The following WDSUB1 variants were observed in gnomAD, a reference collection of about 807,000 sequenced individuals.
WDSUB1 encodes WD repeat, sterile alpha motif and U-box domain containing 1, also known as WD repeat, SAM and U-box domain-containing protein 1.
WDSUB1 carries 49 observed loss-of-function variants against 53.9 expected under a neutral mutation model. That is an observed-to-expected ratio of 0.91 (90% CI 0.72 to 1.15). The LOEUF (loss-of-function observed/expected upper bound fraction) is 1.15, where lower values mean the gene tolerates loss of function less well. WDSUB1 is among the 50% of genes most tolerant of loss of function. The pLI, the probability that WDSUB1 is intolerant of heterozygous loss-of-function variation, is 0.00. For missense variants in WDSUB1, 514 were observed against 562.0 expected (o/e 0.91, Z 0.86); for synonymous variants, 194 against 200.6 (o/e 0.97, Z 0.28).
At position 159,279,800 on chromosome 2, in the gene WDSUB1, C is replaced by T. The variant is rs762035494; in HGVS notation, c.544G>A (p.Gly182Arg). The change falls in exon 3 of 11, where the codon GGA becomes AGA. Residue 182 changes from glycine to arginine, a missense_variant. Gly to Arg is a moderately radical substitution (Grantham distance 125, BLOSUM62 -2). Coordinates refer to ENST00000359774, the MANE Select transcript of WDSUB1 (RefSeq NM_001128212.3). ...CLHSEKAHDL[G>R]ITCCDFSSQP... Reference sequence around the variant, plus strand: ...GAAGAAAAATCGCAGCAGGTAATTCCAAGATCATGTGCTTTTTCACTATGC... The same window carrying T: ...GAAGAAAAATCGCAGCAGGTAATTCTAAGATCATGTGCTTTTTCACTATGC... 6.2e-7 allele frequency: 1 copy of T among 1,608,240 alleles called. No individual in the cohort carries two copies. The highest frequency in any genetic ancestry group is 2.2e-5 in the East Asian group (1 of 44,846).
At position 159,256,317 on chromosome 2, in the gene WDSUB1, G is replaced by A. The variant is rs376099561; in HGVS notation, c.1011C>T (p.Val337=). The change falls in exon 9 of 11, where the codon GTC becomes GTT. Residue 337 remains valine (V), a synonymous_variant. Transcript: ENST00000359774. Reference sequence around the variant, plus strand: ...AATCTTGTGCACAAAGCCATGTTGAGACATCCTCCTCTGACCAATCTTCGG... The same window carrying A: ...AATCTTGTGCACAAAGCCATGTTGAAACATCCTCCTCTGACCAATCTTCGG... ...QFTEDWSEED[V]STWLCAQDLK... 1.7e-5 allele frequency: 28 copies of A among 1,612,194 alleles called. No individual in the cohort carries two copies. The highest frequency in any genetic ancestry group is 2.2e-5 in the Non-Finnish European group (26 of 1,179,434).
intron 10 of WDSUB1, among the ~76,000 whole-genome samples, chr2:159,247,247 T>A (rs2060818972): frequency 6.6e-6 from 1 of 152,172 alleles, no homozygotes; most frequent in African/African-American, 2.4e-5. Context: ...ACAGATGAAC[T>A]CATAACGATA....
In WDSUB1 at chr2:159,252,864, G is replaced by T. The variant is rs2060979697; in HGVS notation, c.1132+3332C>A. Among the ~76,000 whole-genome samples, 4 of 152,166 alleles carry T rather than the reference G, an allele frequency of 2.6e-5. No homozygotes were observed. The South Asian group carries it at 8.3e-4, about 31-fold the overall frequency. ...CTTGGAAAGAAGAGCAAATGGAAGA[G>T]TGAACCCTTTGAAAAAAATCTCGTT... On this transcript the variant is annotated intron_variant, in intron 9 of 10. Coordinates refer to ENST00000359774, the MANE Select transcript of WDSUB1 (RefSeq NM_001128212.3).
intron 3 of WDSUB1, among the ~76,000 whole-genome samples, chr2:159,277,553 A>G (rs6756293): frequency 0.04 from 6,119 of 152,292 alleles, 394 homozygotes; most frequent in African/African-American, 0.14. Flanking sequence ...AAATATTTAA[A>G]TTATAATAAC....
chr2:159,258,831 C>T (rs7599621), intron 6 of WDSUB1, among the ~76,000 whole-genome samples: 63,940 of 151,848 alleles, frequency 0.42, 14,737 homozygotes, highest in Non-Finnish European at 0.54. Flanking sequence ...AAAGATTTAC[C>T]TCACCTAGCT....
At chr2:159,237,788 T>C (rs1252244828) in intron 10 of WDSUB1, among the ~76,000 whole-genome samples, 1 of 152,252 alleles carries the variant, frequency 6.6e-6, no homozygotes, top group African/African-American at 2.4e-5. Flanking sequence ...TTTCCAATCT[T>C]TGCCTTTTAC....
intron 9 of WDSUB1, among the ~76,000 whole-genome samples, 179 bp from the exon 10 acceptor site, chr2:159,248,691 G>C (rs1281655563): frequency 6.6e-6 from 1 of 152,104 alleles, no homozygotes; most frequent in South Asian, 2.1e-4. Flanking sequence ...TTGCAGCCTT[G>C]ACCTCCTGGG....
chr2:159,253,119 C>T (rs536093524), intron 9 of WDSUB1, among the ~76,000 whole-genome samples: 4 of 152,288 alleles, frequency 2.6e-5, no homozygotes, highest in African/African-American at 7.2e-5. Context: ...AGACTCAACT[C>T]GTTGCGTAAT....
chr2:159,249,021 T>C (rs2060885492), intron 9 of WDSUB1, among the ~76,000 whole-genome samples: 1 of 152,242 alleles, frequency 6.6e-6, no homozygotes, highest in South Asian at 2.1e-4. Context: ...AGAATACTGT[T>C]GGTTAAAATA....
intron 9 of WDSUB1, among the ~76,000 whole-genome samples, chr2:159,253,248 C>G (rs1401611560): frequency 6.6e-6 from 1 of 152,206 alleles, no homozygotes; most frequent in Non-Finnish European, 1.5e-5. Flanking sequence ...AGACATATCC[C>G]TCTCAACATC....
chr2:159,245,753 C>A (rs977808675), intron 10 of WDSUB1, among the ~76,000 whole-genome samples: 2 of 152,012 alleles, frequency 1.3e-5, no homozygotes, highest in Non-Finnish European at 2.9e-5. Context: ...TGAAATAAGT[C>A]CTAGACCTAA....
At chr2:159,263,432 G>A (rs556403254) in intron 5 of WDSUB1, among the ~76,000 whole-genome samples, 1 of 152,326 alleles carries the variant, frequency 6.6e-6, no homozygotes, top group East Asian at 1.9e-4. Flanking sequence ...AGAGAATGAA[G>A]GTGAAGATTA....
chr2:159,241,150 G>C (rs1559524050), intron 10 of WDSUB1, among the ~76,000 whole-genome samples: 1 of 152,184 alleles, frequency 6.6e-6, no homozygotes, highest in Non-Finnish European at 1.5e-5. Context: ...ATCAGGTTTA[G>C]GAGGTTTTTA....
chr2:159,248,451 T>C lies in WDSUB1; in HGVS notation c.1194A>G (p.Lys398=). ...RKIEELRTKV[K]SLSSGIPDEF... ...CATCAGGAATTCCTGAAGAAAGGGA[T>C]TTAACCTTGGTCCTGAGCTCTTCAA... is the stretch of plus-strand genomic sequence containing the variant. The change falls in exon 10 of 11, where the codon AAA becomes AAG. Residue 398 remains lysine, a synonymous_variant. Transcript: ENST00000359774. 1.9e-6 allele frequency: 3 copies of C among 1,604,176 alleles called. No homozygotes were observed. Among genetic ancestry groups the C allele is most frequent in the Non-Finnish European group, 2.5e-6 (3 of 1,176,616 alleles).
chr2:159,239,164 G>T (rs2060572422), intron 10 of WDSUB1, among the ~76,000 whole-genome samples: 1 of 152,010 alleles, frequency 6.6e-6, no homozygotes, highest in Non-Finnish European at 1.5e-5. Flanking sequence ...ACAACACCTG[G>T]CTAATTTTTA....
chr2:159,275,934 C>T (rs73967301), intron 3 of WDSUB1, among the ~76,000 whole-genome samples: 4,340 of 152,290 alleles, frequency 0.028, 196 homozygotes, highest in African/African-American at 0.094. Context: ...GAGCATCCTC[C>T]TCTAACTCAA....
At position 159,271,685 on chromosome 2, in the gene WDSUB1, T is replaced by G. The variant is rs769790916; in HGVS notation, c.770+17A>C. ...TCATATAAAAATGGTTTAGGAAAAT[T>G]AAACCAACTAGCTTACCCTGAGACT... On this transcript the variant is annotated intron_variant, in intron 5 of 10. Coordinates refer to ENST00000359774, the MANE Select transcript of WDSUB1 (RefSeq NM_001128212.3). 1 of 1,608,864 alleles carries G rather than the reference T, an allele frequency of 6.2e-7. No homozygotes were observed. The highest frequency in any genetic ancestry group is 2.2e-5 in the East Asian group (1 of 44,828).
Position 159,256,206 on chromosome 2 carries a change from ATCATCAG to A in WDSUB1, c.1115_1121del (p.Ala372ValfsTer2). 1 of 1,595,322 alleles carries A rather than the reference ATCATCAG, an allele frequency of 6.3e-7. No homozygotes were observed. Among genetic ancestry groups the A allele is most frequent in the Non-Finnish European group, 8.5e-7 (1 of 1,173,618 alleles). ...TTTCACTAAGCTTACCAATTTTCAA[ATCATCAG>A]CCAGACTTTCTTTTGTAAGATTCAA... On this transcript the variant is annotated frameshift_variant, in exon 9 of 11. Coordinates refer to ENST00000359774, the MANE Select transcript of WDSUB1 (RefSeq NM_001128212.3). LOFTEE classifies it high-confidence loss of function.
At chr2:159,270,514 T>C (rs1211259181) in intron 5 of WDSUB1, among the ~76,000 whole-genome samples, 1 of 152,112 alleles carries the variant, frequency 6.6e-6, no homozygotes, top group Non-Finnish European at 1.5e-5. Context: ...GCAGAAACAG[T>C]AGTTAAGAAA....
Sources: allele counts gnomAD v4.1 joint callset (sites outside exome capture counted in the v4.1 genomes callset), GRCh38; gene constraint gnomAD v4.1.1; transcripts MANE v1.5; gene names NCBI Gene and HGNC (gene_info 2026-07-23, HGNC 2026-07-21).